Variants in PRKCE observed in about 807,000 individuals in gnomAD.
PRKCE encodes the protein protein kinase C epsilon.
Under a neutral mutation model 85.4 loss-of-function variants are expected in PRKCE, and 16 were observed. The observed-to-expected ratio is 0.19, with a 90% CI of 0.13 to 0.28. The LOEUF (loss-of-function observed/expected upper bound fraction) is 0.28, where lower values mean the gene tolerates loss of function less well. Among genes scored for constraint, PRKCE ranks in the 10% least tolerant of loss-of-function variants. The probability of loss-of-function intolerance (pLI) is 1.00; values close to 1 mark genes in which losing one functional copy is unlikely to be tolerated. For missense variants in PRKCE, 573 were observed against 975.2 expected (o/e 0.59, Z 5.49); for synonymous variants, 388 against 371.5 (o/e 1.04, Z -0.51).
At chr2:46,070,176 C>G (rs1667953454) in intron 10 of PRKCE, among the ~76,000 whole-genome samples, 1 of 152,204 alleles carries the variant, frequency 6.6e-6, no homozygotes, top group African/African-American at 2.4e-5. Context: ...GGCAAGGGTC[C>G]TTTGGTCACA....
chr2:45,943,957 A>G (rs1700060591), intron 2 of PRKCE, among the ~76,000 whole-genome samples: 2 of 152,248 alleles, frequency 1.3e-5, no homozygotes, highest in Admixed American at 1.3e-4. Context: ...ACGTGGTTTT[A>G]CAGTTTTGGA....
intron 2 of PRKCE, among the ~76,000 whole-genome samples, chr2:45,927,090 G>A (rs1056799350): frequency 6.6e-6 from 1 of 151,930 alleles, no homozygotes; most frequent in African/African-American, 2.4e-5. Flanking sequence ...ATGTGAGCGT[G>A]CATGGGACAA....
At chr2:46,038,540 T>C (rs1574303625) in intron 10 of PRKCE, among the ~76,000 whole-genome samples, 1 of 151,960 alleles carries the variant, frequency 6.6e-6, no homozygotes, top group African/African-American at 2.4e-5. Flanking sequence ...GCTCGAAAAA[T>C]GATTTGATCC....
At chr2:46,008,488 C>G (rs1370420827) in intron 9 of PRKCE, among the ~76,000 whole-genome samples, 1 of 152,146 alleles carries the variant, frequency 6.6e-6, no homozygotes, top group Non-Finnish European at 1.5e-5. Flanking sequence ...TGGGAGTCAC[C>G]TTTCTGGGAC....
At chr2:45,888,477 T>G (rs1372888338) in intron 2 of PRKCE, among the ~76,000 whole-genome samples, 1 of 146,266 alleles carries the variant, frequency 6.8e-6, no homozygotes, top group African/African-American at 2.5e-5. Flanking sequence ...TTTTTTTTTT[T>G]TTTTTTTTTT....
intron 1 of PRKCE, among the ~76,000 whole-genome samples, chr2:45,784,028 C>G (rs1238957655): frequency 6.6e-6 from 1 of 152,402 alleles, no homozygotes; most frequent in Admixed American, 6.5e-5. Context: ...CACCCACTAG[C>G]ATCGCTGTAT....
intron 1 of PRKCE, among the ~76,000 whole-genome samples, chr2:45,745,736 G>T (rs183976998): frequency 1.0e-3 from 158 of 152,306 alleles, no homozygotes; most frequent in African/African-American, 3.7e-3. Context: ...GGGATAATAC[G>T]TGTGGACCAG....
At chr2:45,896,872 C>A (rs1191758442) in intron 2 of PRKCE, among the ~76,000 whole-genome samples, 1 of 152,058 alleles carries the variant, frequency 6.6e-6, no homozygotes, top group African/African-American at 2.4e-5. Flanking sequence ...TTGCTTGAGG[C>A]CAGAAGTTCA....
intron 11 of PRKCE, among the ~76,000 whole-genome samples, chr2:46,135,147 T>TA (rs1674834692): frequency 6.6e-6 from 1 of 152,182 alleles, no homozygotes; most frequent in East Asian, 1.9e-4. Context: ...GTGTAGTGTC[T>TA]AAAAGTCTTC....
Position 46,001,307 on chromosome 2 carries a change from T to A in PRKCE, c.824-97T>A. ...TTCCAAATTATATCTTAAATGAACA[T>A]GTAATACTTCATGAACATATAATAC... On this transcript the variant is annotated intron_variant, in intron 6 of 14. Coordinates refer to ENST00000306156, the MANE Select transcript of PRKCE (RefSeq NM_005400.3). This position sits in a 1 kb window ranked among gnomAD's most constrained non-coding sequence, Gnocchi z 4.4. The A allele has an allele frequency of 8.9e-7, 1 of 1,128,562 alleles. No homozygotes were observed. Among genetic ancestry groups the A allele is most frequent in the Non-Finnish European group, 1.2e-6 (1 of 845,436 alleles). The allele number at this position is 1,128,562 out of a possible 1,614,324, so 69.9% of individuals were successfully genotyped here.
At chr2:45,804,539 G>A (rs1002812154) in intron 1 of PRKCE, among the ~76,000 whole-genome samples, 2 of 152,168 alleles carry the variant, frequency 1.3e-5, no homozygotes, top group East Asian at 1.9e-4. Flanking sequence ...GAAGTATGTG[G>A]GTAGCAGAAG....
At chr2:45,802,503 G>A (rs1057107320) in intron 1 of PRKCE, among the ~76,000 whole-genome samples, 16 of 152,132 alleles carry the variant, frequency 1.1e-4, no homozygotes, top group Non-Finnish European at 1.2e-4. Flanking sequence ...CCTCAACGGA[G>A]TAGACTATTA....
chr2:45,787,672 G>A (rs562358330), intron 1 of PRKCE, among the ~76,000 whole-genome samples: 55 of 152,272 alleles, frequency 3.6e-4, no homozygotes, highest in African/African-American at 1.2e-3. Flanking sequence ...CATCTGGAGA[G>A]GGGAAAGATA....
chr2:45,716,157 T>C (rs1680067991), intron 1 of PRKCE, among the ~76,000 whole-genome samples: 1 of 152,242 alleles, frequency 6.6e-6, no homozygotes. Flanking sequence ...GGATGGTTGT[T>C]TCTCCAGCTT....
At chr2:45,944,037 G>A (rs1023951879) in intron 2 of PRKCE, among the ~76,000 whole-genome samples, 2 of 152,216 alleles carry the variant, frequency 1.3e-5, no homozygotes, top group African/African-American at 4.8e-5. Flanking sequence ...GGCTGAGTCA[G>A]ATGTGGAAAG....
chr2:45,831,908 A>G (rs1047132399), intron 1 of PRKCE, among the ~76,000 whole-genome samples: 1 of 50,598 alleles, frequency 2.0e-5, no homozygotes, highest in African/African-American at 5.1e-5. Context: ...TATAACCCAA[A>G]TGAAACTTTG....
chr2:45,985,685 A>G (rs1416302821), intron 6 of PRKCE, among the ~76,000 whole-genome samples: 1 of 152,206 alleles, frequency 6.6e-6, no homozygotes, highest in Non-Finnish European at 1.5e-5. Context: ...TGACTTTAAT[A>G]TATCAAGGAG....
intron 1 of PRKCE, among the ~76,000 whole-genome samples, chr2:45,659,825 C>A (rs747357917): frequency 6.6e-6 from 1 of 150,582 alleles, no homozygotes; most frequent in Non-Finnish European, 1.5e-5. Context: ...GCTTCATATG[C>A]GCCTTTCCTG....
At chr2:45,675,389 A>G (rs939322178) in intron 1 of PRKCE, 4 of 152,240 alleles carry the variant, frequency 2.6e-5, no homozygotes, top group Non-Finnish European at 5.9e-5. Flanking sequence ...ACTCCAGAGC[A>G]GTGAGGGCAC....
Sources: allele counts gnomAD v4.1 joint callset (sites outside exome capture counted in the v4.1 genomes callset), GRCh38; gene constraint gnomAD v4.1.1; non-coding constraint Gnocchi (gnomAD v3.1); transcripts MANE v1.5; gene names NCBI Gene and HGNC (gene_info 2026-07-23, HGNC 2026-07-21).